SH3RF1: variants seen among roughly 807,000 people sequenced by gnomAD.
The protein encoded by SH3RF1 is E3 ubiquitin-protein ligase SH3RF1.
In SH3RF1, 32 loss-of-function variants were observed where a neutral mutation model predicts 74.0. The observed-to-expected ratio is 0.43, with a 90% confidence interval of 0.33 to 0.58. The LOEUF (loss-of-function observed/expected upper bound fraction) is 0.58. Ranked by LOEUF, SH3RF1 falls within the 20% of genes least tolerant of loss-of-function variation. SH3RF1 has a pLI of 0.05. For synonymous variants in SH3RF1, 396 were observed against 439.6 expected, an observed-to-expected ratio of 0.90 and a Z score of 1.24; for missense variants, 954 against 1,130.9, an observed-to-expected ratio of 0.84 and a Z score of 2.24.
chr4:169,126,794 T>C (rs933326386), intron 6 of SH3RF1, among the ~76,000 whole-genome samples: 3 of 152,156 alleles, frequency 2.0e-5, no homozygotes, highest in Non-Finnish European at 4.4e-5. Flanking sequence ...TCTTTCTATG[T>C]TGCCCATGCT....
chr4:169,140,592 A>C (rs535968650), intron 4 of SH3RF1, among the ~76,000 whole-genome samples: 2 of 152,320 alleles, frequency 1.3e-5, no homozygotes, highest in East Asian at 3.9e-4. Flanking sequence ...TAAATATGAG[A>C]TGAAATACTG....
At chr4:169,229,466 C>T (rs1356116681) in intron 2 of SH3RF1, among the ~76,000 whole-genome samples, 3 of 151,122 alleles carry the variant, frequency 2.0e-5, no homozygotes, top group Admixed American at 6.6e-5. Context: ...GGTATACCAC[C>T]CCCCCACCCA....
At position 169,136,609 on chromosome 4, in the gene SH3RF1, A is replaced by T. The variant is rs1394948296; in HGVS notation, c.777T>A (p.Ala259=). ...FPISYVEFNS[A]AKQLIEWDKP... is the part of the protein sequence containing the mutation. ...TATCCCATTCTATCAGCTGCTTAGC[A>T]GCCGAGTTAAACTGCAAAAGCAACC... The change falls in exon 5 of 12, where the codon GCT becomes GCA. Residue 259 remains alanine, a synonymous_variant. Transcript: ENST00000284637. 6.6e-7 allele frequency: 1 copy of T among 1,522,814 alleles called. No homozygotes were observed. Among genetic ancestry groups the T allele is most frequent in the Non-Finnish European group, 8.8e-7 (1 of 1,134,472 alleles). The allele number at this position is 1,522,814 out of a possible 1,614,324, so 94.3% of individuals were successfully genotyped here. A position where few individuals can be genotyped will look rare whatever the true frequency, so the allele number is the denominator to read the frequency against.
intron 6 of SH3RF1, among the ~76,000 whole-genome samples, chr4:169,128,362 ATCT>A (rs1216784678): frequency 6.6e-6 from 1 of 152,192 alleles, no homozygotes; most frequent in Admixed American, 6.5e-5. Context: ...GAATCCAGGC[ATCT>A]TCTCCTTCGC....
At chr4:169,254,954 C>G (rs562396203) in intron 2 of SH3RF1, among the ~76,000 whole-genome samples, 2 of 152,268 alleles carry the variant, frequency 1.3e-5, no homozygotes, top group South Asian at 4.1e-4. Context: ...CCTGCAAGGT[C>G]AGGAAGAAGA....
At position 169,136,334 on chromosome 4, in the gene SH3RF1, C is replaced by T. The variant is rs765486843; in HGVS notation, c.1052G>A (p.Cys351Tyr). 1 of 1,467,972 alleles carries T rather than the reference C, an allele frequency of 6.8e-7. No homozygotes were observed. Among genetic ancestry groups the T allele is most frequent in the Admixed American group, 2.5e-5 (1 of 40,174 alleles). The allele number at this position is 1,467,972 out of a possible 1,614,324, so 90.9% of individuals were successfully genotyped here. ...ARISELSGLS[C>Y]SAPSQVHIST... ...AGGATTTACCTGAGAAGGGGCACTG[C>T]AGGAGAGCCCAGACAGCTCGCTGAT... is the stretch of plus-strand genomic sequence containing the variant. Residue 351 changes from cysteine to tyrosine, a missense_variant, in exon 5 of 12, where the codon TGC (cysteine) becomes TAC (tyrosine). Physicochemically the swap from Cys to Tyr is radical, Grantham distance 194 (BLOSUM62 -2). Coordinates refer to ENST00000284637, the MANE Select transcript of SH3RF1 (RefSeq NM_020870.4).
intron 2 of SH3RF1, among the ~76,000 whole-genome samples, chr4:169,183,167 G>A (rs1015425336): frequency 6.6e-6 from 1 of 152,172 alleles, no homozygotes; most frequent in Non-Finnish European, 1.5e-5. Context: ...AGGCATGGTG[G>A]AAGGCACCTG....
Position 169,123,367 on chromosome 4 carries a change from C to T in SH3RF1, c.1180-1101G>A, listed in dbSNP as rs560484837. ...GAAAAAAATTTCAAATTTCTAGACG[C>T]ACGCTGTAACTATTCGATGCATTAT... On this transcript the variant is annotated intron_variant, in intron 6 of 11. Transcript: ENST00000284637. Among the ~76,000 whole-genome samples the T allele has an allele frequency of 3.2e-4, 48 of 152,284 alleles. No homozygotes were observed. The Middle Eastern group carries it at 0.014, about 43-fold the overall frequency.
At chr4:169,235,776 C>T (rs577749864) in intron 2 of SH3RF1, among the ~76,000 whole-genome samples, 2 of 152,100 alleles carry the variant, frequency 1.3e-5, no homozygotes, top group South Asian at 4.2e-4. Context: ...ACTGCAACCT[C>T]CGCCTCCCCA....
chr4:169,215,657 TTTTG>T (rs767078334), intron 2 of SH3RF1, among the ~76,000 whole-genome samples: 1 of 152,182 alleles, frequency 6.6e-6, no homozygotes, highest in Non-Finnish European at 1.5e-5. Flanking sequence ...CTTCCCTTAG[TTTTG>T]TTTATTATTG....
At chr4:169,105,571 TAGCCATACCCTTC>T (rs1263526154) in intron 11 of SH3RF1, among the ~76,000 whole-genome samples, 1 of 152,204 alleles carries the variant, frequency 6.6e-6, no homozygotes, top group Non-Finnish European at 1.5e-5. Context: ...ACTGAGAACT[TAGCCATACCCTTC>T]TGGCTCAGGA....
chr4:169,216,061 C>T (rs1323641072), intron 2 of SH3RF1, among the ~76,000 whole-genome samples: 1 of 152,134 alleles, frequency 6.6e-6, no homozygotes, highest in African/African-American at 2.4e-5. Context: ...ACCTTGGCCT[C>T]CCAAAGTGGT....
rs1037191880 is a variant in SH3RF1, at chr4:169,123,849, G to A, written c.1180-1583C>T. On this transcript the variant is annotated intron_variant, in intron 6 of 11. Transcript: ENST00000284637. ...GGAGCTTGCAGTGAGCCAAGATTGC[G>A]CCACTGCACTCCAACCTGGGTGACA... is the stretch of plus-strand genomic sequence containing the variant. Among the ~76,000 whole-genome samples, 8 of 151,452 alleles carry A rather than the reference G, an allele frequency of 5.3e-5. No homozygotes were observed. In the East Asian group the frequency reaches 7.8e-4, roughly 15 times the overall value.
chr4:169,208,259 G>A (rs1301466890), intron 2 of SH3RF1, among the ~76,000 whole-genome samples: 1 of 150,402 alleles, frequency 6.6e-6, no homozygotes, highest in African/African-American at 2.4e-5. Flanking sequence ...GAGTTTAAAT[G>A]ACCTCTGCCC....
chr4:169,241,372 C>T (rs1730907530), intron 2 of SH3RF1, among the ~76,000 whole-genome samples: 1 of 152,238 alleles, frequency 6.6e-6, no homozygotes, highest in African/African-American at 2.4e-5. Context: ...TTTTCTTCAG[C>T]AAACTCACCC....
At chr4:169,123,662 C>A (rs1261913290) in intron 6 of SH3RF1, among the ~76,000 whole-genome samples, 1 of 152,082 alleles carries the variant, frequency 6.6e-6, no homozygotes, top group East Asian at 1.9e-4. Flanking sequence ...GAGGCTGAGG[C>A]GGGCGGATCA....
chr4:169,187,224 G>A (rs1734620471), intron 2 of SH3RF1, among the ~76,000 whole-genome samples: 1 of 152,042 alleles, frequency 6.6e-6, no homozygotes, highest in South Asian at 2.1e-4. Context: ...ATTGAAACAG[G>A]GTCTCACCGT....
Position 169,107,062 on chromosome 4 carries a change from C to T in SH3RF1, c.2283G>A (p.Leu761=), listed in dbSNP as rs1390553877. ...LPLQGAVGPE[L]PPGGGHGRAG... ...CCCTGCCATGGCCACCTCCTGGTGGCAGTTCGGGCCCCACCGCTCCCTGGA... is the reference window on the plus strand; with the variant it reads ...CCCTGCCATGGCCACCTCCTGGTGGTAGTTCGGGCCCCACCGCTCCCTGGA... The change falls in exon 11 of 12, where the codon CTG becomes CTA. Residue 761 remains leucine, a synonymous_variant. Transcript: ENST00000284637. 6.2e-7 allele frequency: 1 copy of T among 1,613,996 alleles called. No homozygotes were observed. The highest frequency in any genetic ancestry group is 8.5e-7 in the Non-Finnish European group (1 of 1,179,984).
At chr4:169,200,858 G>C (rs560360776) in intron 2 of SH3RF1, among the ~76,000 whole-genome samples, 2 of 152,104 alleles carry the variant, frequency 1.3e-5, no homozygotes, top group African/African-American at 4.8e-5. Context: ...GAGTAAACTG[G>C]TAAGTTTCTA....
Sources: allele counts gnomAD v4.1 joint callset (sites outside exome capture counted in the v4.1 genomes callset), GRCh38; gene constraint gnomAD v4.1.1; transcripts MANE v1.5; gene names NCBI Gene and HGNC (gene_info 2026-07-23, HGNC 2026-07-21).